FBXO8: variants seen among roughly 807,000 people sequenced by gnomAD.
The protein encoded by FBXO8 is F-box protein 8, also known as F-box only protein 8.
In FBXO8, 15 loss-of-function variants were observed where a neutral mutation model predicts 33.4. That is an observed-to-expected ratio of 0.45 (90% CI 0.30 to 0.69). The LOEUF (loss-of-function observed/expected upper bound fraction) is 0.69. Among genes scored for constraint, FBXO8 ranks in the 30% least tolerant of loss-of-function variants. The pLI, the probability that FBXO8 is intolerant of heterozygous loss-of-function variation, is 0.08. For synonymous variants in FBXO8, 132 were observed against 131.5 expected, an observed-to-expected ratio of 1.00 and a Z score of -0.02; for missense variants, 274 against 380.3, an observed-to-expected ratio of 0.72 and a Z score of 2.32.
In FBXO8 at chr4:174,253,670, A is replaced by C. The variant is rs944922705; in HGVS notation, c.456+6029T>G. ...TCTAGCATCCTAGCTGCAGTTGTTG[A>C]ATTATAAGTCTAAGCCAATCATGTA... On this transcript the variant is annotated intron_variant, in intron 3 of 5. Coordinates refer to ENST00000393674, the MANE Select transcript of FBXO8 (RefSeq NM_012180.3). The surrounding 1 kb of genome is among the most constrained non-coding windows in gnomAD (Gnocchi z 4.5). Among the ~76,000 whole-genome samples, 2 of 152,160 alleles carry C rather than the reference A, an allele frequency of 1.3e-5. No individual in the cohort carries two copies. The highest frequency in any genetic ancestry group is 2.9e-5 in the Non-Finnish European group (2 of 68,024).
rs959332306 is a variant in FBXO8, at chr4:174,241,433, G to T, written c.457-215C>A. On this transcript the variant is annotated intron_variant, in intron 3 of 5. Transcript: ENST00000393674. This position sits in a 1 kb window ranked among gnomAD's most constrained non-coding sequence, Gnocchi z 4.2. ...TGAAAAGCAGGAAATTCAAAGTTAA[G>T]ACTGTTAAAGAAATCTTATTTAATT... 2.6e-5 allele frequency among the ~76,000 whole-genome samples: 4 copies of T among 151,556 alleles called. No homozygotes were observed. Among genetic ancestry groups the T allele is most frequent in the Admixed American group, 6.6e-5 (1 of 15,170 alleles).
chr4:174,239,038 CA>C lies in FBXO8; in HGVS notation c.727del (p.Cys243ValfsTer7). 6.3e-7 allele frequency: 1 copy of C among 1,595,620 alleles called. No individual in the cohort carries two copies. Among genetic ancestry groups the C allele is most frequent in the Non-Finnish European group, 8.5e-7 (1 of 1,169,816 alleles). Reference protein sequence around the residue: ...TLITKFSHRFCACNPDLMREL... With the variant: ...TLITKFSHRFXACNPDLMREL... ...TCGCATTAAATCAGGGTTGCAAGCA[CA>C]GAATCTATGTGAGAACTTTGTTATA... On this transcript the variant is annotated frameshift_variant, in exon 5 of 6. Transcript: ENST00000393674. LOFTEE classifies it high-confidence loss of function.
rs73009491 is a variant in FBXO8 at position 174,250,788 on chromosome 4, C to G, written c.456+8911G>C. On this transcript the variant is annotated intron_variant, in intron 3 of 5. Coordinates refer to ENST00000393674, the MANE Select transcript of FBXO8 (RefSeq NM_012180.3). Reference sequence around the variant, plus strand: ...TATCCTTTGGGTTTCTGACACAATACTCATATTTTGAAGTGACATCTACTG... The same window carrying G: ...TATCCTTTGGGTTTCTGACACAATAGTCATATTTTGAAGTGACATCTACTG... Among the ~76,000 whole-genome samples, 210 of 152,166 alleles carry G rather than the reference C, an allele frequency of 1.4e-3. 1 individual carries two copies. The highest frequency in any genetic ancestry group is 4.6e-3 in the African/African-American group (193 of 41,546).
At chr4:174,266,328 A>C (rs530808485) in intron 1 of FBXO8, among the ~76,000 whole-genome samples, 1 of 152,214 alleles carries the variant, frequency 6.6e-6, no homozygotes, top group African/African-American at 2.4e-5. Context: ...CTGCAAAATT[A>C]TACCTTATTT....
chr4:174,255,480 T>A lies in FBXO8; in HGVS notation c.456+4219A>T, dbSNP rs2126428969. On this transcript the variant is annotated intron_variant, in intron 3 of 5. Coordinates refer to ENST00000393674, the MANE Select transcript of FBXO8 (RefSeq NM_012180.3). This position sits in a 1 kb window ranked among gnomAD's most constrained non-coding sequence, Gnocchi z 4.3. ...TTCATTTCTACCTCAAACATGTGGA[T>A]AGGTCAAATTTAAAATATTTTTATA... Among the ~76,000 whole-genome samples the A allele has an allele frequency of 6.6e-6, 1 of 152,148 alleles. No homozygotes were observed. The highest frequency in any genetic ancestry group is 1.5e-5 in the Non-Finnish European group (1 of 67,970).
intron 1 of FBXO8, among the ~76,000 whole-genome samples, chr4:174,271,016 T>C (rs1322041905): frequency 1.3e-5 from 2 of 152,196 alleles, no homozygotes; most frequent in Admixed American, 6.5e-5. Context: ...AAACAATCTT[T>C]TATGGAACTT....
intron 1 of FBXO8, among the ~76,000 whole-genome samples, chr4:174,276,529 A>C (rs7659617): frequency 0.7 from 105,988 of 152,114 alleles, 37,094 homozygotes; most frequent in East Asian, 0.74. Flanking sequence ...AGCCACTGTG[A>C]CTGCCTGACA....
intron 1 of FBXO8, among the ~76,000 whole-genome samples, chr4:174,282,943 C>A (rs528683155): frequency 2.6e-5 from 4 of 152,254 alleles, no homozygotes; most frequent in Admixed American, 2.6e-4. Context: ...TTTTATAACC[C>A]AAGTTTGACT....
At position 174,274,451 on chromosome 4, in the gene FBXO8, G is replaced by A. The variant is rs1327538164; in HGVS notation, c.-9+8959C>T. Among the ~76,000 whole-genome samples the A allele has an allele frequency of 1.3e-5, 2 of 152,142 alleles. No individual in the cohort carries two copies. The highest frequency in any genetic ancestry group is 4.8e-5 in the African/African-American group (2 of 41,430). On this transcript the variant is annotated intron_variant, in intron 1 of 5. Transcript: ENST00000393674. This position sits in a 1 kb window ranked among gnomAD's most constrained non-coding sequence, Gnocchi z 4.0. ...TGGTTCCTTCATTTCAAATACACCT[G>A]ATAACTGTGGATTAATTACCTGAGT...
chr4:174,256,500 A>G lies in FBXO8; in HGVS notation c.456+3199T>C, dbSNP rs1011624000. Among the ~76,000 whole-genome samples, 4 of 152,186 alleles carry G rather than the reference A, an allele frequency of 2.6e-5. No homozygotes were observed. Among genetic ancestry groups the G allele is most frequent in the Non-Finnish European group, 5.9e-5 (4 of 68,018 alleles). On this transcript the variant is annotated intron_variant, in intron 3 of 5. Transcript: ENST00000393674. This position sits in a 1 kb window ranked among gnomAD's most constrained non-coding sequence, Gnocchi z 4.6. ...TATGACTCATACAGATAAGTGCTAT[A>G]TAAGAACATTTATTAGGATGGATCT... is the stretch of plus-strand genomic sequence containing the variant.
intron 3 of FBXO8, among the ~76,000 whole-genome samples, chr4:174,250,985 G>A (rs1327558525): frequency 2.6e-5 from 4 of 152,080 alleles, no homozygotes; most frequent in South Asian, 2.1e-4. Flanking sequence ...AGTGTATGAT[G>A]AGAAAATAAA....
rs1736444075 is a variant in FBXO8 at position 174,257,567 on chromosome 4, T to G, written c.456+2132A>C. ...AAACAGCTGCCTCTCCTGATTCTTA[T>G]GTACTGTACAGTACAGCACTGTACC... is the stretch of plus-strand genomic sequence containing the variant. On this transcript the variant is annotated intron_variant, in intron 3 of 5. Coordinates refer to ENST00000393674, the MANE Select transcript of FBXO8 (RefSeq NM_012180.3). This position sits in a 1 kb window ranked among gnomAD's most constrained non-coding sequence, Gnocchi z 4.3. 6.6e-6 allele frequency among the ~76,000 whole-genome samples: 1 copy of G among 152,200 alleles called. No homozygotes were observed. The highest frequency in any genetic ancestry group is 2.4e-5 in the African/African-American group (1 of 41,452).
chr4:174,260,179 C>A (rs1224544620), intron 2 of FBXO8, among the ~76,000 whole-genome samples: 1 of 151,898 alleles, frequency 6.6e-6, no homozygotes, highest in Non-Finnish European at 1.5e-5. Flanking sequence ...ATTGGATTAG[C>A]CTGCCTAATC....
At position 174,253,570 on chromosome 4, in the gene FBXO8, G is replaced by A. The variant is rs1736347277; in HGVS notation, c.456+6129C>T. On this transcript the variant is annotated intron_variant, in intron 3 of 5. Transcript: ENST00000393674. The surrounding 1 kb of genome is among the most constrained non-coding windows in gnomAD (Gnocchi z 4.5). ...AGGAAGGCTGAATCACATGTTTTAA[G>A]TGTATCACTAGTTAAAATGGCGTTA... is the stretch of plus-strand genomic sequence containing the variant. Among the ~76,000 whole-genome samples the A allele has an allele frequency of 6.6e-6, 1 of 152,198 alleles. No individual in the cohort carries two copies. The highest frequency in any genetic ancestry group is 2.4e-5 in the African/African-American group (1 of 41,462).
In FBXO8 at chr4:174,278,986, AAAAT is replaced by A. The variant is rs1737013489; in HGVS notation, c.-9+4420_-9+4423del. Among the ~76,000 whole-genome samples the A allele has an allele frequency of 1.3e-5, 2 of 152,056 alleles. No homozygotes were observed. Among genetic ancestry groups the A allele is most frequent in the Admixed American group, 1.3e-4 (2 of 15,272 alleles). The stretch of plus-strand genomic sequence containing the variant: ...TTGAGGTCTCAGTTTCCTCCCCTGT[AAAAT>A]AAGGGTTTTGAAACTGGTGTTCCCT... On this transcript the variant is annotated intron_variant, in intron 1 of 5. Coordinates refer to ENST00000393674, the MANE Select transcript of FBXO8 (RefSeq NM_012180.3). This position sits in a 1 kb window ranked among gnomAD's most constrained non-coding sequence, Gnocchi z 4.1.
chr4:174,248,212 C>G (rs1304743063), intron 3 of FBXO8, among the ~76,000 whole-genome samples: 1 of 151,940 alleles, frequency 6.6e-6, no homozygotes, highest in African/African-American at 2.4e-5. Flanking sequence ...TAACACTGAC[C>G]TTGAGCACAT....
rs1460209642 is a variant in FBXO8 at position 174,247,475 on chromosome 4, A to G, written c.457-6257T>C. ...TTATATAATAGAAAGCCAATTGGAT[A>G]CTGCATTTAATTTTCTTTTAAAAAA... On this transcript the variant is annotated intron_variant, in intron 3 of 5. Transcript: ENST00000393674. The surrounding 1 kb of genome is among the most constrained non-coding windows in gnomAD (Gnocchi z 4.6). 6.6e-6 allele frequency among the ~76,000 whole-genome samples: 1 copy of G among 152,066 alleles called. No homozygotes were observed. The highest frequency in any genetic ancestry group is 1.5e-5 in the Non-Finnish European group (1 of 67,990).
chr4:174,269,344 A>T (rs1012331220), intron 1 of FBXO8, among the ~76,000 whole-genome samples: 2 of 152,082 alleles, frequency 1.3e-5, no homozygotes, highest in African/African-American at 4.8e-5. Context: ...GGGGGAAAAA[A>T]CCCCAAAGCA....
intron 3 of FBXO8, among the ~76,000 whole-genome samples, chr4:174,242,454 A>G (rs1208709481): frequency 6.6e-6 from 1 of 151,580 alleles, no homozygotes; most frequent in African/African-American, 2.4e-5. Context: ...CTTTTTATAT[A>G]AAACTAACTT....
Sources: gnomAD v4.1 joint callset for allele counts (sites outside exome capture counted in the v4.1 genomes callset) on GRCh38, gnomAD v4.1.1 for gene constraint, Gnocchi (gnomAD v3.1) non-coding constraint, MANE v1.5 for transcripts, NCBI Gene and HGNC (gene_info 2026-07-23, HGNC 2026-07-21) for gene names.